GALNTL6: variants seen among roughly 807,000 people sequenced by gnomAD.
GALNTL6 encodes the protein polypeptide N-acetylgalactosaminyltransferase like 6.
GALNTL6 carries 46 observed loss-of-function variants against 73.7 expected under a neutral mutation model. That is an observed-to-expected ratio of 0.62 (90% CI 0.49 to 0.80). The LOEUF is 0.80. Among genes scored for constraint, GALNTL6 ranks in the 30% least tolerant of loss-of-function variants. The pLI is 0.00. For missense variants in GALNTL6, 604 were observed against 755.0 expected (o/e 0.80, Z 2.34); for synonymous variants, 259 against 263.7 (o/e 0.98, Z 0.17).
intron 7 of GALNTL6, among the ~76,000 whole-genome samples, chr4:172,850,796 T>G (rs1340780266): frequency 6.6e-6 from 1 of 152,164 alleles, no homozygotes; most frequent in East Asian, 1.9e-4. Flanking sequence ...CTCATAGATC[T>G]CAGGGAAAGA....
intron 5 of GALNTL6, among the ~76,000 whole-genome samples, chr4:172,529,897 T>TTATTTATTTATC (rs1561124336): frequency 1.4e-3 from 217 of 149,974 alleles, no homozygotes; most frequent in African/African-American, 5.0e-3. Context: ...ATTTATTTAT[T>TTATTTATTTATC]TATCTATTTA....
At chr4:172,099,299 G>C (rs1009182039) in intron 2 of GALNTL6, among the ~76,000 whole-genome samples, 1 of 151,982 alleles carries the variant, frequency 6.6e-6, no homozygotes, top group Non-Finnish European at 1.5e-5. Flanking sequence ...AGCAATATGA[G>C]GGAGCTTCAC....
intron 3 of GALNTL6, among the ~76,000 whole-genome samples, chr4:172,294,938 T>C (rs186090823): frequency 1.3e-3 from 196 of 152,334 alleles, no homozygotes; most frequent in African/African-American, 4.3e-3. Flanking sequence ...CAGCTAATTA[T>C]TGATTTCATT....
intron 7 of GALNTL6, among the ~76,000 whole-genome samples, chr4:172,830,406 C>T (rs145562692): frequency 6.9e-5 from 10 of 145,768 alleles, no homozygotes; most frequent in African/African-American, 2.5e-4. Flanking sequence ...ATATTAAAAA[C>T]GACAGTTTAC....
At chr4:172,617,104 T>C (rs1738768563) in intron 5 of GALNTL6, among the ~76,000 whole-genome samples, 1 of 152,032 alleles carries the variant, frequency 6.6e-6, no homozygotes, top group Non-Finnish European at 1.5e-5. Flanking sequence ...GGACGGCTTC[T>C]CCTGCATAAG....
intron 2 of GALNTL6, among the ~76,000 whole-genome samples, chr4:171,831,361 G>T (rs1395575416): frequency 6.6e-6 from 1 of 151,832 alleles, no homozygotes; most frequent in Non-Finnish European, 1.5e-5. Flanking sequence ...AGTGTCTTGG[G>T]GAAAAATGTC....
intron 2 of GALNTL6, among the ~76,000 whole-genome samples, chr4:171,909,144 T>TAAATA (rs370708126): frequency 3.1e-4 from 40 of 128,494 alleles, no homozygotes; most frequent in African/African-American, 9.0e-4. Context: ...TAAAGTATAA[T>TAAATA]AATAAATAAA....
At chr4:172,465,243 C>T (rs1202528984) in intron 5 of GALNTL6, among the ~76,000 whole-genome samples, 4 of 151,990 alleles carry the variant, frequency 2.6e-5, no homozygotes, top group African/African-American at 4.8e-5. Context: ...TTGGGGAGGC[C>T]GAGGCAGGTG....
intron 2 of GALNTL6, among the ~76,000 whole-genome samples, chr4:172,054,010 T>A (rs181886908): frequency 1.3e-5 from 2 of 152,132 alleles, no homozygotes; most frequent in Admixed American, 1.3e-4. Flanking sequence ...TCTAAAATAT[T>A]TTCATAGTTA....
At chr4:172,271,849 C>T (rs1305932721) in intron 3 of GALNTL6, among the ~76,000 whole-genome samples, 2 of 151,834 alleles carry the variant, frequency 1.3e-5, no homozygotes, top group African/African-American at 2.4e-5. Context: ...AAAGAAAGTG[C>T]ATTAATTATT....
chr4:172,057,845 T>G (rs1211829718), intron 2 of GALNTL6, among the ~76,000 whole-genome samples: 1 of 149,762 alleles, frequency 6.7e-6, no homozygotes, highest in Non-Finnish European at 1.5e-5. Context: ...AACTTTCCAT[T>G]GATTAATGTG....
intron 5 of GALNTL6, among the ~76,000 whole-genome samples, chr4:172,751,802 C>T (rs575761358): frequency 6.6e-6 from 1 of 152,286 alleles, no homozygotes; most frequent in East Asian, 1.9e-4. Context: ...ATGGCAGCAC[C>T]TCTAGTCTGA....
At chr4:172,437,799 AG>A (rs1198442567) in intron 5 of GALNTL6, among the ~76,000 whole-genome samples, 2 of 152,058 alleles carry the variant, frequency 1.3e-5, no homozygotes, top group Non-Finnish European at 2.9e-5. Flanking sequence ...GGCATCTTGT[AG>A]TACCTCCTTC....
chr4:172,678,058 T>C (rs1732409205), intron 5 of GALNTL6, among the ~76,000 whole-genome samples: 1 of 152,152 alleles, frequency 6.6e-6, no homozygotes, highest in Non-Finnish European at 1.5e-5. Context: ...CATGTGCGTG[T>C]CTTTGTTTAG....
At chr4:171,900,568 T>G (rs1737059217) in intron 2 of GALNTL6, among the ~76,000 whole-genome samples, 1 of 151,704 alleles carries the variant, frequency 6.6e-6, no homozygotes, top group African/African-American at 2.4e-5. Flanking sequence ...TCCACCCACC[T>G]CGGCTTCCCA....
chr4:172,675,942 T>G (rs1204659993), intron 5 of GALNTL6, among the ~76,000 whole-genome samples: 1 of 152,186 alleles, frequency 6.6e-6, no homozygotes, highest in Admixed American at 6.5e-5. Flanking sequence ...TTGGATTCCT[T>G]AATAAGAGTT....
At chr4:171,929,942 C>T (rs116480996) in intron 2 of GALNTL6, among the ~76,000 whole-genome samples, 1,652 of 152,320 alleles carry the variant, frequency 0.011, 30 homozygotes, top group African/African-American at 0.038. Context: ...TGCCCCGTGT[C>T]CCCAGAAAAT....
chr4:172,607,464 G>C (rs1447560253), intron 5 of GALNTL6, among the ~76,000 whole-genome samples: 1 of 152,150 alleles, frequency 6.6e-6, no homozygotes, highest in Non-Finnish European at 1.5e-5. Flanking sequence ...TTGCTGCAAG[G>C]ACATGATTTC....
At chr4:172,142,888 T>G (rs1733837370) in intron 2 of GALNTL6, among the ~76,000 whole-genome samples, 1 of 151,576 alleles carries the variant, frequency 6.6e-6, no homozygotes. Context: ...CTATGGAGAG[T>G]TTTCTTTTTC....
Sources: allele counts gnomAD v4.1 joint callset (sites outside exome capture counted in the v4.1 genomes callset), GRCh38; gene constraint gnomAD v4.1.1; transcripts MANE v1.5; gene names NCBI Gene and HGNC (gene_info 2026-07-23, HGNC 2026-07-21).